Variants in ECPAS observed in about 807,000 individuals in gnomAD.
The protein encoded by ECPAS is proteasome adapter and scaffold protein ECM29.
Under a neutral mutation model 255.1 loss-of-function variants are expected in ECPAS, and 70 were observed. The ratio of observed to expected loss-of-function variants is 0.27; its 90% CI spans 0.23 to 0.33. The LOEUF (loss-of-function observed/expected upper bound fraction) is 0.33. Among genes scored for constraint, ECPAS ranks in the 10% least tolerant of loss-of-function variants. ECPAS has a pLI of 1.00. For missense variants in ECPAS, 1,817 were observed against 2,206.4 expected (o/e 0.82, Z 3.54); for synonymous variants, 784 against 775.0 (o/e 1.01, Z -0.19).
At position 111,410,932 on chromosome 9, in the gene ECPAS, A is replaced by G. The variant is rs375816160; in HGVS notation, c.2377+48T>C. ...CTGAAACGCCATATTAAAATTTAAC[A>G]TAATTCAAAAACTGCAACACCCAAA... On this transcript the variant is annotated intron_variant, in intron 22 of 49. Transcript: ENST00000684092. 9.7e-6 allele frequency: 15 copies of G among 1,540,764 alleles called. No homozygotes were observed. The African/African-American group carries it at 1.8e-4, about 18-fold the overall frequency.
intron 2 of ECPAS, among the ~76,000 whole-genome samples, chr9:111,461,124 G>A (rs1175284740): frequency 6.6e-6 from 1 of 152,084 alleles, no homozygotes; most frequent in Non-Finnish European, 1.5e-5. Context: ...AAACTATCTT[G>A]AAGAGGAAAA....
At chr9:111,446,045 T>C (rs1027880301) in intron 3 of ECPAS, among the ~76,000 whole-genome samples, 1 of 152,236 alleles carries the variant, frequency 6.6e-6, no homozygotes, top group South Asian at 2.1e-4. Context: ...CCATGGTGTA[T>C]ATGTGCCACA....
intron 46 of ECPAS, 25 bp from the exon 47 acceptor site, chr9:111,366,652 C>T: frequency 6.8e-7 from 1 of 1,462,994 alleles, no homozygotes. Flanking sequence ...CAAGGTGGGA[C>T]AGAGCAGGAG....
chr9:111,403,395 T>C (rs939452218), intron 24 of ECPAS, among the ~76,000 whole-genome samples: 4 of 134,454 alleles, frequency 3.0e-5, no homozygotes, highest in Non-Finnish European at 4.5e-5. Flanking sequence ...AAGACACAAA[T>C]AGATTGAAGG....
At chr9:111,442,489 ATGAT>A (rs1168357450) in intron 4 of ECPAS, 65 bp from the exon 5 acceptor site, 1 of 978,902 alleles carries the variant, frequency 1.0e-6, no homozygotes, top group Non-Finnish European at 1.6e-6. Context: ...ATGAAAATAT[ATGAT>A]TGATAACTTA....
chr9:111,377,104 T>A (rs2098134203), intron 36 of ECPAS, among the ~76,000 whole-genome samples: 1 of 152,046 alleles, frequency 6.6e-6, no homozygotes, highest in South Asian at 2.1e-4. Flanking sequence ...TTAGTAAACA[T>A]CCTATGGGCA....
intron 36 of ECPAS, among the ~76,000 whole-genome samples, chr9:111,377,126 G>T (rs1254460634): frequency 6.6e-6 from 1 of 152,148 alleles, no homozygotes; most frequent in Non-Finnish European, 1.5e-5. Flanking sequence ...CCAGGAAGGT[G>T]CAAGTCTACT....
chr9:111,408,491 T>C (rs1464268923), intron 24 of ECPAS, 80 bp downstream of exon 24: 6 of 776,192 alleles, frequency 7.7e-6, no homozygotes, highest in Non-Finnish European at 8.1e-6. Flanking sequence ...TCTCACAGCA[T>C]GCAAAACTGC....
chr9:111,430,579 A>G lies in ECPAS; in HGVS notation c.898T>C (p.Tyr300His). Residue 300 changes from tyrosine to histidine, a missense_variant, in exon 9 of 50, where the codon TAC (tyrosine) becomes CAC (histidine). Tyr to His is a moderately conservative substitution (Grantham distance 83). Transcript: ENST00000684092. ...GTCTTCAGTGGTATATCTCCAAGGT[A>G]CACCTTGTACATCTTATTAATGATG... Reference protein sequence around the residue: ...PAIINKMYKVYLGDIPLKTKE... With the variant: ...PAIINKMYKVHLGDIPLKTKE... The G allele has an allele frequency of 6.2e-7, 1 of 1,600,644 alleles. No individual in the cohort carries two copies. The highest frequency in any genetic ancestry group is 8.5e-7 in the Non-Finnish European group (1 of 1,172,058).
chr9:111,455,592 A>C (rs1472522147), intron 2 of ECPAS, among the ~76,000 whole-genome samples: 1 of 152,250 alleles, frequency 6.6e-6, no homozygotes. Context: ...CAGAACTGCT[A>C]AGAGTGGTTC....
intron 29 of ECPAS, among the ~76,000 whole-genome samples, chr9:111,391,003 C>T (rs1023712376): frequency 1.3e-5 from 2 of 152,192 alleles, no homozygotes; most frequent in South Asian, 4.1e-4. Flanking sequence ...ACATCATGGG[C>T]TCCCACGCAG....
At position 111,428,366 on chromosome 9, in the gene ECPAS, G is replaced by C. The variant is rs554374769; in HGVS notation, c.931-205C>G. On this transcript the variant is annotated intron_variant, in intron 9 of 49. Coordinates refer to ENST00000684092, the MANE Select transcript of ECPAS (RefSeq NM_001364929.1). ...TTACTATACGGGAAATTAAAACTGA[G>C]AAATTTTAACATATTTGTTTACTCA... Among the ~76,000 whole-genome samples the C allele has an allele frequency of 1.4e-4, 21 of 152,068 alleles. 1 individual carries two copies. In the East Asian group the frequency reaches 3.9e-3, roughly 28 times the overall value.
intron 2 of ECPAS, among the ~76,000 whole-genome samples, chr9:111,458,781 T>TTA (rs2098269911): frequency 6.6e-6 from 1 of 152,182 alleles, no homozygotes; most frequent in African/African-American, 2.4e-5. Context: ...ATTGTGTGTA[T>TTA]TATCACACAT....
chr9:111,446,610 A>G (rs1013695669), intron 3 of ECPAS, among the ~76,000 whole-genome samples: 1 of 152,212 alleles, frequency 6.6e-6, no homozygotes, highest in African/African-American at 2.4e-5. Flanking sequence ...GATAAATAGT[A>G]ATATTAAAAT....
Position 111,391,157 on chromosome 9 carries a change from C to T in ECPAS, c.3161+599G>A, listed in dbSNP as rs536637806. On this transcript the variant is annotated intron_variant, in intron 29 of 49. Transcript: ENST00000684092. Reference sequence around the variant, plus strand: ...TCCACTGAAACGATGGTAGCAGTTCCGCCCCTCCCTCAGTCATAGGCCCTA... The same window carrying T: ...TCCACTGAAACGATGGTAGCAGTTCTGCCCCTCCCTCAGTCATAGGCCCTA... Among the ~76,000 whole-genome samples the T allele has an allele frequency of 3.3e-5, 5 of 152,296 alleles. No homozygotes were observed. In the South Asian group the frequency reaches 1.0e-3, roughly 32 times the overall value.
rs749021991 is a variant in ECPAS, at chr9:111,370,763, C to A, written c.4740G>T (p.Glu1580Asp). Residue 1580 changes from glutamate to aspartate, a missense_variant and splice_region_variant, in exon 44 of 50, where the codon GAG becomes GAT. By Grantham distance (45) the Glu-to-Asp change is conservative. This residue lies in a region of ECPAS where 960 missense variants were observed against 1,179.0 expected (regional missense o/e 0.81). Transcript: ENST00000684092. The part of the protein sequence containing the change: ...GLAGRTWAGK[E>D]ELLKAIACVV... ...CACAGGCAATGGCTTTCAATAGCTC[C>A]TCCTAAGGGGTTGAAAGATGAGGAA... 11 of 1,602,268 alleles carry A rather than the reference C, an allele frequency of 6.9e-6. No homozygotes were observed. The highest frequency in any genetic ancestry group is 1.3e-5 in the African/African-American group (1 of 74,754).
chr9:111,389,276 C>A (rs1353512577), intron 31 of ECPAS, among the ~76,000 whole-genome samples: 1 of 152,188 alleles, frequency 6.6e-6, no homozygotes, highest in Non-Finnish European at 1.5e-5. Flanking sequence ...AGTCCCTATC[C>A]ACATTTACTA....
At position 111,448,908 on chromosome 9, in the gene ECPAS, G is replaced by T. The variant is rs565876583; in HGVS notation, c.153+2517C>A. On this transcript the variant is annotated intron_variant, in intron 3 of 49. Coordinates refer to ENST00000684092, the MANE Select transcript of ECPAS (RefSeq NM_001364929.1). Reference sequence around the variant, plus strand: ...ATAGTCATCAAAGAGAAATTCATAAGCTGAGGTCATTTTTGGTTCTTTTTT... The same window carrying T: ...ATAGTCATCAAAGAGAAATTCATAATCTGAGGTCATTTTTGGTTCTTTTTT... Among the ~76,000 whole-genome samples the T allele has an allele frequency of 2.8e-4, 42 of 152,116 alleles. 1 individual carries two copies. Among genetic ancestry groups the T allele is most frequent in the Admixed American group, 3.9e-4 (6 of 15,294 alleles).
chr9:111,429,751 C>A (rs997392228), intron 9 of ECPAS, among the ~76,000 whole-genome samples: 2 of 152,158 alleles, frequency 1.3e-5, no homozygotes, highest in African/African-American at 2.4e-5. Context: ...CACCTGTAGT[C>A]ACAGCTACTC....
Sources: allele counts gnomAD v4.1 joint callset (sites outside exome capture counted in the v4.1 genomes callset), GRCh38; gene constraint gnomAD v4.1.1; regional missense constraint gnomAD v4.1.1; transcripts MANE v1.5; gene names NCBI Gene and HGNC (gene_info 2026-07-23, HGNC 2026-07-21).